The following LRRC20 variants were observed in gnomAD, a reference collection of about 807,000 sequenced individuals.
The protein encoded by LRRC20 is leucine-rich repeat-containing protein 20.
LRRC20 carries 11 observed loss-of-function variants against 14.4 expected under a neutral mutation model. The observed-to-expected ratio is 0.77, with a 90% CI of 0.48 to 1.27. The LOEUF is 1.27. Among genes scored for constraint, LRRC20 ranks in the 50% most tolerant of loss-of-function variants. LRRC20 has a pLI of 0.00. For missense variants in LRRC20, 219 were observed against 251.2 expected (o/e 0.87, Z 0.87); for synonymous variants, 121 against 107.3 (o/e 1.13, Z -0.79).
chr10:70,359,649 C>A (rs565859203), intron 2 of LRRC20, among the ~76,000 whole-genome samples: 13 of 152,352 alleles, frequency 8.5e-5, no homozygotes, highest in African/African-American at 3.1e-4. Flanking sequence ...ATCCCTCTTG[C>A]ACCTCTTCAT....
intron 2 of LRRC20, among the ~76,000 whole-genome samples, chr10:70,359,919 C>CTTT (rs542983316): frequency 1.4e-5 from 2 of 141,618 alleles, no homozygotes; most frequent in Non-Finnish European, 1.5e-5. Flanking sequence ...TTTTCTTTTT[C>CTTT]TTTTTTTTTT....
At chr10:70,329,018 A>G (rs1193240528) in intron 3 of LRRC20, among the ~76,000 whole-genome samples, 2 of 152,202 alleles carry the variant, frequency 1.3e-5, no homozygotes, top group Non-Finnish European at 2.9e-5. Context: ...AAAAGGGAAA[A>G]TAAGAGAGGG....
At chr10:70,318,287 G>A (rs893896508) in intron 4 of LRRC20, among the ~76,000 whole-genome samples, 1 of 152,192 alleles carries the variant, frequency 6.6e-6, no homozygotes, top group African/African-American at 2.4e-5. Context: ...TAGGTCTAGG[G>A]CAAGGCCAGG....
chr10:70,339,466 G>A (rs975071910), intron 3 of LRRC20, among the ~76,000 whole-genome samples: 22 of 152,090 alleles, frequency 1.4e-4, no homozygotes, highest in African/African-American at 4.6e-4. Flanking sequence ...AGGTGAGAGC[G>A]CAAGGAGGCT....
chr10:70,377,430 C>G (rs1460289420), intron 1 of LRRC20, among the ~76,000 whole-genome samples: 3 of 152,304 alleles, frequency 2.0e-5, no homozygotes, highest in Non-Finnish European at 4.4e-5. Flanking sequence ...GAAATGAGCA[C>G]AGAGAGGGGC....
intron 2 of LRRC20, among the ~76,000 whole-genome samples, chr10:70,372,504 C>T (rs1396542649): frequency 2.7e-5 from 4 of 148,372 alleles, no homozygotes; most frequent in Non-Finnish European, 5.9e-5. Flanking sequence ...TCCAGTGGCG[C>T]AATCTCAGCT....
chr10:70,335,548 T>C (rs1036405013), intron 3 of LRRC20, among the ~76,000 whole-genome samples: 8 of 152,206 alleles, frequency 5.3e-5, no homozygotes, highest in African/African-American at 1.9e-4. Flanking sequence ...GCAACCTCCC[T>C]TATGACTTGG....
intron 4 of LRRC20, among the ~76,000 whole-genome samples, chr10:70,311,967 C>T (rs976759623): frequency 2.6e-5 from 4 of 152,214 alleles, no homozygotes; most frequent in African/African-American, 4.8e-5. Flanking sequence ...GACAGGTAAA[C>T]TTGTTTTACA....
intron 2 of LRRC20, among the ~76,000 whole-genome samples, chr10:70,363,844 C>CT (rs1328580694): frequency 6.6e-6 from 1 of 151,892 alleles, no homozygotes; most frequent in Non-Finnish European, 1.5e-5. Context: ...AAGTCAACCC[C>CT]CAACACAGCA....
At chr10:70,380,352 G>A (rs770947234) in intron 1 of LRRC20, among the ~76,000 whole-genome samples, 7 of 152,170 alleles carry the variant, frequency 4.6e-5, no homozygotes, top group East Asian at 1.9e-4. Context: ...AAATCACCAC[G>A]CTTATTAACT....
At chr10:70,301,757 A>G (rs1196163795) in intron 4 of LRRC20, among the ~76,000 whole-genome samples, 2 of 152,238 alleles carry the variant, frequency 1.3e-5, no homozygotes, top group Non-Finnish European at 2.9e-5. Flanking sequence ...TAAACGTAGG[A>G]TTGCCATACA....
intron 4 of LRRC20, among the ~76,000 whole-genome samples, chr10:70,317,571 G>A (rs758444785): frequency 5.9e-4 from 90 of 152,042 alleles, no homozygotes; most frequent in Non-Finnish European, 1.2e-3. Context: ...AGAGATGGGG[G>A]CCTCACTATG....
chr10:70,356,623 C>A (rs954979804), intron 2 of LRRC20, among the ~76,000 whole-genome samples: 3 of 152,086 alleles, frequency 2.0e-5, no homozygotes, highest in African/African-American at 7.2e-5. Context: ...GAGGCCGAGG[C>A]GGGCAGATCA....
chr10:70,318,850 C>T (rs1253159059), intron 4 of LRRC20, among the ~76,000 whole-genome samples: 1 of 151,818 alleles, frequency 6.6e-6, no homozygotes, highest in Non-Finnish European at 1.5e-5. Flanking sequence ...CTCTGTGGCC[C>T]AGGCTGGAGT....
intron 2 of LRRC20, among the ~76,000 whole-genome samples, chr10:70,365,053 CTTTT>C (rs10581759): frequency 5.6e-4 from 40 of 71,432 alleles, no homozygotes; most frequent in African/African-American, 1.7e-3. Flanking sequence ...TGAGATTCAA[CTTTT>C]TTTTTTTTTT....
At chr10:70,302,833 C>T (rs1841261769) in intron 4 of LRRC20, among the ~76,000 whole-genome samples, 1 of 151,878 alleles carries the variant, frequency 6.6e-6, no homozygotes, top group Non-Finnish European at 1.5e-5. Context: ...GCCTCAGCCT[C>T]CCGTGTAGCT....
intron 4 of LRRC20, among the ~76,000 whole-genome samples, chr10:70,311,222 A>ATTTTTTTTTTTTTGTTT (rs1841648509): frequency 1.2e-5 from 1 of 86,346 alleles, no homozygotes; most frequent in Admixed American, 1.4e-4. Flanking sequence ...TCAACATTCC[A>ATTTTTTTTTTTTTGTTT]TTTTTTTTTT....
chr10:70,312,608 G>A (rs115579365), intron 4 of LRRC20, among the ~76,000 whole-genome samples: 1 of 152,316 alleles, frequency 6.6e-6, no homozygotes, highest in African/African-American at 2.4e-5. Context: ...TGGGTGGACT[G>A]GAGTTCTGAG....
chr10:70,318,611 G>A (rs1172266467), intron 4 of LRRC20, among the ~76,000 whole-genome samples: 2 of 151,776 alleles, frequency 1.3e-5, no homozygotes, highest in African/African-American at 2.4e-5. Flanking sequence ...AAAATTAGCC[G>A]GGCATGGTGG....
Sources: allele counts gnomAD v4.1 joint callset (sites outside exome capture counted in the v4.1 genomes callset), GRCh38; gene constraint gnomAD v4.1.1; transcripts MANE v1.5; gene names NCBI Gene and HGNC (gene_info 2026-07-23, HGNC 2026-07-21).